Variants in CTIF observed in about 807,000 individuals in gnomAD.
CTIF encodes cap binding complex dependent translation initiation factor.
In CTIF, 21 loss-of-function variants were observed where a neutral mutation model predicts 66.0. The observed-to-expected ratio is 0.32, with a 90% CI of 0.23 to 0.46. CTIF has a LOEUF of 0.46. CTIF is among the 20% of genes least tolerant of loss of function. The pLI is 1.00. For missense variants in CTIF, 739 were observed against 812.7 expected (o/e 0.91, Z 1.10); for synonymous variants, 345 against 326.4 (o/e 1.06, Z -0.62).
rs2067804883 is a variant in CTIF, at chr18:48,792,074, A to G, written c.1372-25147A>G. Among the ~76,000 whole-genome samples, 7 of 152,362 alleles carry G rather than the reference A, an allele frequency of 4.6e-5. No individual in the cohort carries two copies. The South Asian group carries it at 1.4e-3, about 32-fold the overall frequency. ...ATAAGCATCAAAGCAACAGATCTGCAAATAAGTAAATTTCCAAAAGGCTGT... is the reference window on the plus strand; with the variant it reads ...ATAAGCATCAAAGCAACAGATCTGCGAATAAGTAAATTTCCAAAAGGCTGT... On this transcript the variant is annotated intron_variant, in intron 9 of 11. Coordinates refer to ENST00000256413, the MANE Select transcript of CTIF (RefSeq NM_014772.3).
At position 48,568,633 on chromosome 18, in the gene CTIF, TAAAAAAAAAAAAAAAAAA is replaced by T. The variant is rs58084631; in HGVS notation, c.-29+29339_-29+29356del. On this transcript the variant is annotated intron_variant, in intron 1 of 11. Coordinates refer to ENST00000256413, the MANE Select transcript of CTIF (RefSeq NM_014772.3). Reference sequence around the variant, plus strand: ...GAAATACCTGAGACTGGGCAATTTGTAAAAAAAAAAAAAAAAAAAAAAAAAAAAAAAAAAAGAGGTTTA... The same window carrying T: ...GAAATACCTGAGACTGGGCAATTTGTAAAAAAAAAAAAAAAAAGAGGTTTA... Among the ~76,000 whole-genome samples the T allele has an allele frequency of 4.2e-3, 153 of 36,646 alleles. 1 individual carries two copies. The highest frequency in any genetic ancestry group is 0.015 in the South Asian group (9 of 604). The allele number at this position is 36,646 out of a possible 152,430, so 24.0% of individuals were successfully genotyped here.
rs773793226 is a variant in CTIF, at chr18:48,862,906, C to T, written c.*3347C>T. On this transcript the variant is annotated 3_prime_UTR_variant, in exon 12 of 12. Coordinates refer to ENST00000256413, the MANE Select transcript of CTIF (RefSeq NM_014772.3). The stretch of plus-strand genomic sequence containing the variant: ...AGACTCTCAGGCCTGCCTGGGGAGT[C>T]GTGTCCCTCAGCTGCAGGGCACTGT... 2.0e-5 allele frequency: 3 copies of T among 152,318 alleles called. No homozygotes were observed. Among genetic ancestry groups the T allele is most frequent in the Non-Finnish European group, 2.9e-5 (2 of 68,090 alleles). 9.4% of individuals were successfully genotyped at this position (152,318 alleles called of 1,614,324 possible). A position where few individuals can be genotyped will look rare whatever the true frequency, so the allele number is the denominator to read the frequency against.
intron 1 of CTIF, among the ~76,000 whole-genome samples, chr18:48,583,279 G>C (rs975423895): frequency 2.0e-5 from 3 of 152,232 alleles, no homozygotes; most frequent in African/African-American, 7.2e-5. Context: ...GAAGGACAAG[G>C]AGGCAGAGCA....
At chr18:48,592,795 G>A (rs2089914513) in intron 1 of CTIF, among the ~76,000 whole-genome samples, 1 of 152,222 alleles carries the variant, frequency 6.6e-6, no homozygotes, top group African/African-American at 2.4e-5. Flanking sequence ...TCATCAGCCG[G>A]GAAGAATCCA....
intron 3 of CTIF, among the ~76,000 whole-genome samples, chr18:48,657,433 T>C (rs1263981136): frequency 6.6e-6 from 1 of 152,220 alleles, no homozygotes; most frequent in Non-Finnish European, 1.5e-5. Flanking sequence ...GAATGAGGCT[T>C]TCTGAAAGCA....
chr18:48,739,931 G>T (rs1334306477), intron 7 of CTIF, among the ~76,000 whole-genome samples: 1 of 152,206 alleles, frequency 6.6e-6, no homozygotes, highest in Non-Finnish European at 1.5e-5. Context: ...CTTATGTGCT[G>T]TGGGGTCTAC....
rs746872354 is a variant in CTIF, at chr18:48,761,365, A to C, written c.1072-25A>C. The C allele has an allele frequency of 4.4e-6, 7 of 1,606,712 alleles. No homozygotes were observed. The South Asian group carries it at 7.7e-5, about 18-fold the overall frequency. ...AGAGACCTCGGCTTCACTCAGGCAC[A>C]TTCATTTGTCTCCGACACCCCCAGG... On this transcript the variant is annotated intron_variant, in intron 8 of 11. Transcript: ENST00000256413. This position sits in a 1 kb window ranked among gnomAD's most constrained non-coding sequence, Gnocchi z 4.2.
chr18:48,689,796 G>A (rs2091899800), intron 6 of CTIF, among the ~76,000 whole-genome samples: 1 of 152,154 alleles, frequency 6.6e-6, no homozygotes. Context: ...GGGAAGAAAA[G>A]GTCACTACCT....
chr18:48,670,515 A>C, intron 5 of CTIF, 154 bp from the exon 6 acceptor site: 1 of 636,306 alleles, frequency 1.6e-6, no homozygotes, highest in Non-Finnish European at 2.8e-6. Context: ...CAGCTTCTCT[A>C]GGGCTGTTTC....
intron 7 of CTIF, among the ~76,000 whole-genome samples, chr18:48,741,630 G>A (rs901035127): frequency 1.3e-5 from 2 of 151,966 alleles, no homozygotes; most frequent in African/African-American, 4.8e-5. Context: ...TTGCCATGTT[G>A]GCCAGGCTGG....
chr18:48,716,799 C>T (rs530615617), intron 7 of CTIF, among the ~76,000 whole-genome samples: 3 of 152,278 alleles, frequency 2.0e-5, no homozygotes, highest in Non-Finnish European at 2.9e-5. Flanking sequence ...CGTGCCTGTG[C>T]GGCCAGGGAG....
chr18:48,700,295 G>A (rs2092066109), intron 6 of CTIF, among the ~76,000 whole-genome samples: 3 of 152,244 alleles, frequency 2.0e-5, no homozygotes, highest in African/African-American at 7.2e-5. Context: ...CCCCAGCCAT[G>A]TGGAACTGTG....
intron 2 of CTIF, among the ~76,000 whole-genome samples, chr18:48,630,106 G>T (rs943007320): frequency 6.6e-6 from 1 of 152,148 alleles, no homozygotes; most frequent in Non-Finnish European, 1.5e-5. Flanking sequence ...ATCTCATGCT[G>T]TCTCTCCCGG....
At chr18:48,574,402 T>C (rs1427798520) in intron 1 of CTIF, among the ~76,000 whole-genome samples, 3 of 152,230 alleles carry the variant, frequency 2.0e-5, no homozygotes, top group African/African-American at 7.2e-5. Flanking sequence ...TAATATTGCA[T>C]TAAAAAAGGA....
intron 7 of CTIF, among the ~76,000 whole-genome samples, chr18:48,740,253 C>A (rs1181286062): frequency 6.6e-6 from 1 of 152,198 alleles, no homozygotes; most frequent in Non-Finnish European, 1.5e-5. Flanking sequence ...CAGCCGTAGC[C>A]CTGCCCCTGA....
At chr18:48,779,762 G>A (rs895960220) in intron 9 of CTIF, among the ~76,000 whole-genome samples, 19 of 152,220 alleles carry the variant, frequency 1.2e-4, no homozygotes, top group Non-Finnish European at 5.9e-5. Flanking sequence ...TCCTCCCAAG[G>A]GGGACAAGAC....
chr18:48,821,951 T>TA (rs1319659128), intron 10 of CTIF, among the ~76,000 whole-genome samples: 200 of 152,346 alleles, frequency 1.3e-3, no homozygotes, highest in African/African-American at 4.2e-3. Flanking sequence ...TTGCATAACT[T>TA]AAACTTTCAC....
intron 4 of CTIF, 76 bp downstream of exon 4, chr18:48,663,901 C>T (rs576126993): frequency 7.7e-7 from 1 of 1,295,554 alleles, no homozygotes; most frequent in East Asian, 2.3e-5. Flanking sequence ...ACGGAATGAA[C>T]GCTGATGGTT....
chr18:48,722,501 A>T (rs1158876841), intron 7 of CTIF, among the ~76,000 whole-genome samples: 1 of 152,138 alleles, frequency 6.6e-6, no homozygotes, highest in African/African-American at 2.4e-5. Flanking sequence ...GATTAAGGGC[A>T]TGAGCCACAG....
Sources: allele counts gnomAD v4.1 joint callset (sites outside exome capture counted in the v4.1 genomes callset), GRCh38; gene constraint gnomAD v4.1.1; non-coding constraint Gnocchi (gnomAD v3.1); transcripts MANE v1.5; gene names NCBI Gene and HGNC (gene_info 2026-07-23, HGNC 2026-07-21).